CPOX: variants seen among roughly 807,000 people sequenced by gnomAD.
CPOX encodes oxygen-dependent coproporphyrinogen-III oxidase, mitochondrial.
In CPOX, 24 loss-of-function variants were observed where a neutral mutation model predicts 48.9. The ratio of observed to expected loss-of-function variants is 0.49; its 90% CI spans 0.36 to 0.69. The LOEUF (loss-of-function observed/expected upper bound fraction) is 0.69. Ranked by LOEUF, CPOX falls within the 30% of genes least tolerant of loss-of-function variation. The pLI is 0.00. For missense variants in CPOX, 549 were observed against 597.3 expected, an observed-to-expected ratio of 0.92 and a Z score of 0.84; for synonymous variants, 249 against 234.6, an observed-to-expected ratio of 1.06 and a Z score of -0.56.
downstream of CPOX, among the ~76,000 whole-genome samples, chr3:98,579,094 TGAG>T (rs1386235982): frequency 6.6e-6 from 1 of 152,232 alleles, no homozygotes; most frequent in Non-Finnish European, 1.5e-5. Context: ...ATGAAAACAA[TGAG>T]GATGAAGACC....
Position 98,581,642 on chromosome 3 carries a change from C to T in CPOX, c.1173-131G>A, listed in dbSNP as rs563421682. On this transcript the variant is annotated intron_variant, in intron 5 of 6. Coordinates refer to ENST00000647941, the MANE Select transcript of CPOX (RefSeq NM_000097.7). ...TCAGCTGGAACTGGCACAGAGGACA[C>T]CAGCCTACAGCCCATTGAGAGCTCT... is the stretch of plus-strand genomic sequence containing the variant. 11 of 698,012 alleles carry T rather than the reference C, an allele frequency of 1.6e-5. No homozygotes were observed. In the African/African-American group the frequency reaches 1.8e-4, roughly 11 times the overall value. 43.2% of individuals were successfully genotyped at this position (698,012 alleles called of 1,614,324 possible). A position where few individuals can be genotyped will look rare whatever the true frequency, so the allele number is the denominator to read the frequency against.
chr3:98,574,677 G>A (rs1190725120), downstream of CPOX, among the ~76,000 whole-genome samples: 1 of 152,192 alleles, frequency 6.6e-6, no homozygotes, highest in Non-Finnish European at 1.5e-5. Flanking sequence ...TGCCTCCCAG[G>A]TTCAAGCGAT....
In CPOX at chr3:98,580,515, C is replaced by T; in HGVS notation, c.*168G>A. On this transcript the variant is annotated 3_prime_UTR_variant, in exon 7 of 7. Coordinates refer to ENST00000647941, the MANE Select transcript of CPOX (RefSeq NM_000097.7). ...TCTGACAATCTGCCATCTCACCATT[C>T]ATCACTGACAGCATCCAAAACATGT... The T allele has an allele frequency of 6.8e-7, 1 of 1,464,886 alleles. No individual in the cohort carries two copies. The highest frequency in any genetic ancestry group is 1.4e-5 in the South Asian group (1 of 74,010). 90.7% of individuals were successfully genotyped at this position (1,464,886 alleles called of 1,614,324 possible).
chr3:98,579,358 T>C, downstream of CPOX: 1 of 395,090 alleles, frequency 2.5e-6, no homozygotes, highest in Non-Finnish European at 3.4e-6. Context: ...TTGGGGCCCC[T>C]AGCCCTAATG....
At chr3:98,592,228 G>A (rs999435186) in intron 1 of CPOX, among the ~76,000 whole-genome samples, 3 of 152,098 alleles carry the variant, frequency 2.0e-5, no homozygotes, top group Non-Finnish European at 2.9e-5. Flanking sequence ...CCGGTGAGAA[G>A]CTGCTGTTGT....
downstream of CPOX, among the ~76,000 whole-genome samples, chr3:98,576,385 G>C (rs1707163059): frequency 6.6e-6 from 1 of 152,088 alleles, no homozygotes; most frequent in African/African-American, 2.4e-5. Flanking sequence ...AACAGCACGG[G>C]GATGGTTTAC....
chr3:98,575,413 G>C (rs1309972591), downstream of CPOX, among the ~76,000 whole-genome samples: 1 of 152,230 alleles, frequency 6.6e-6, no homozygotes, highest in African/African-American at 2.4e-5. Context: ...TTAAGATCTA[G>C]AATAGAGCTG....
intron 1 of CPOX, among the ~76,000 whole-genome samples, chr3:98,592,606 A>G (rs910115951): frequency 6.6e-6 from 1 of 152,194 alleles, no homozygotes; most frequent in Non-Finnish European, 1.5e-5. Flanking sequence ...AATGTGTTCC[A>G]TAATCTATTG....
At position 98,580,055 on chromosome 3, in the gene CPOX, T is replaced by G. The variant is rs1707223942; in HGVS notation, c.*628A>C. On this transcript the variant is annotated 3_prime_UTR_variant, in exon 7 of 7. Transcript: ENST00000647941. ...TCTCTAAAATAATAGTAATGTCACT[T>G]TAGAGTTTACAAACTACAGAAATAA... The G allele has an allele frequency of 1.0e-6, 1 of 982,598 alleles. No individual in the cohort carries two copies. Among genetic ancestry groups the G allele is most frequent in the Non-Finnish European group, 1.2e-6 (1 of 827,104 alleles). The allele number at this position is 982,598 out of a possible 1,614,324, so 60.9% of individuals were successfully genotyped here. A position where few individuals can be genotyped will look rare whatever the true frequency, so the allele number is the denominator to read the frequency against.
chr3:98,579,168 T>G (rs1227636807), downstream of CPOX, among the ~76,000 whole-genome samples: 1 of 152,240 alleles, frequency 6.6e-6, no homozygotes, highest in East Asian at 1.9e-4. Flanking sequence ...TACGATTTCC[T>G]TAATAACATT....
the CPOX span, among the ~76,000 whole-genome samples, chr3:98,571,696 AAAG>A: frequency 2.3e-4 from 33 of 141,528 alleles, 5 homozygotes; most frequent in South Asian, 1.1e-3. Context: ...TCAAAAAAAA[AAAG>A]AAAAAAGAAA....
intron 4 of CPOX, chr3:98,585,992 C>T (rs980469563): frequency 1.5e-5 from 5 of 339,066 alleles, no homozygotes; most frequent in African/African-American, 2.2e-5. Flanking sequence ...CCTGCCTCAG[C>T]GTCCCAAGTA....
At chr3:98,572,587 GTC>G in the CPOX span, among the ~76,000 whole-genome samples, 82 of 152,200 alleles carry the variant, frequency 5.4e-4, no homozygotes, top group African/African-American at 1.9e-3. Flanking sequence ...GTAGTTTAAA[GTC>G]TCTCACTTAA....
chr3:98,574,858 C>T (rs988032219), downstream of CPOX, among the ~76,000 whole-genome samples: 8 of 152,298 alleles, frequency 5.3e-5, no homozygotes, highest in Middle Eastern at 3.4e-3. Context: ...GGATTAGAGG[C>T]ATGAACCACC....
At chr3:98,588,386 T>A (rs1214835163) in intron 4 of CPOX, among the ~76,000 whole-genome samples, 1 of 152,208 alleles carries the variant, frequency 6.6e-6, no homozygotes, top group Non-Finnish European at 1.5e-5. Context: ...TCAGGAATAA[T>A]AATTCTCATC....
chr3:98,575,866 A>G (rs1042179783), downstream of CPOX, among the ~76,000 whole-genome samples: 3 of 151,848 alleles, frequency 2.0e-5, no homozygotes, highest in African/African-American at 7.3e-5. Flanking sequence ...TCAGGATTTC[A>G]AGACCAGCCT....
rs1277384962 is a variant in CPOX, at chr3:98,580,211, G to A, written c.*472C>T. The A allele has an allele frequency of 1.0e-6, 1 of 995,638 alleles. No homozygotes were observed. The highest frequency in any genetic ancestry group is 1.7e-5 in the African/African-American group (1 of 57,220). The allele number at this position is 995,638 out of a possible 1,614,324, so 61.7% of individuals were successfully genotyped here. A position where few individuals can be genotyped will look rare whatever the true frequency, so the allele number is the denominator to read the frequency against. On this transcript the variant is annotated 3_prime_UTR_variant, in exon 7 of 7. Coordinates refer to ENST00000647941, the MANE Select transcript of CPOX (RefSeq NM_000097.7). The stretch of plus-strand genomic sequence containing the variant: ...GGATTACAGCAGAGACTTCAGTATT[G>A]ACAAAGTAAAATTTTTACCTTCAAG...
intron 1 of CPOX, 44 bp downstream of exon 1, chr3:98,592,905 C>T (rs1334266032): frequency 1.9e-6 from 3 of 1,579,720 alleles, no homozygotes; most frequent in Admixed American, 1.8e-5. Context: ...GAACCTGACC[C>T]TTTTTCCCTG....
the CPOX span, among the ~76,000 whole-genome samples, chr3:98,571,754 G>A: frequency 2.0e-5 from 3 of 151,760 alleles, no homozygotes; most frequent in Non-Finnish European, 4.4e-5. Flanking sequence ...GGTGTAGTAG[G>A]TATTGTTTAT....
Sources: allele counts gnomAD v4.1 joint callset (sites outside exome capture counted in the v4.1 genomes callset), GRCh38; gene constraint gnomAD v4.1.1; transcripts MANE v1.5; gene names NCBI Gene and HGNC (gene_info 2026-07-23, HGNC 2026-07-21).